Variants in C12orf50 observed in about 807,000 individuals in gnomAD.
The protein encoded by C12orf50 is zinc finger CCCH-type containing 11D.
A neutral mutation model predicts 61.6 loss-of-function variants in C12orf50; 35 were observed. The ratio of observed to expected loss-of-function variants is 0.57; its 90% CI spans 0.43 to 0.75. C12orf50 has a LOEUF of 0.75. Among genes scored for constraint, C12orf50 ranks in the 30% least tolerant of loss-of-function variants. C12orf50 has a pLI of 0.00. For missense variants in C12orf50, 475 were observed against 488.5 expected (o/e 0.97, Z 0.26); for synonymous variants, 178 against 161.5 (o/e 1.10, Z -0.77).
At chr12:87,994,129 G>A (rs2031267298) in intron 7 of C12orf50, among the ~76,000 whole-genome samples, 1 of 152,010 alleles carries the variant, frequency 6.6e-6, no homozygotes, top group African/African-American at 2.4e-5. Flanking sequence ...GAACTCGGGA[G>A]ATGGAGGTTG....
intron 7 of C12orf50, among the ~76,000 whole-genome samples, chr12:87,992,580 G>A (rs1389172749): frequency 1.3e-5 from 2 of 152,008 alleles, no homozygotes; most frequent in Non-Finnish European, 1.5e-5. Context: ...AATACAAAGA[G>A]CATTAAGTAA....
At chr12:88,014,545 C>T (rs1013186286) in intron 3 of C12orf50, among the ~76,000 whole-genome samples, 4 of 152,230 alleles carry the variant, frequency 2.6e-5, no homozygotes, top group African/African-American at 4.8e-5. Context: ...ATGATCCGCC[C>T]GCCTCGGCCT....
intron 1 of C12orf50, chr12:88,027,820 C>T (rs1219591651): frequency 1.3e-5 from 2 of 152,086 alleles, no homozygotes; most frequent in African/African-American, 4.8e-5. Context: ...TAACATTCTT[C>T]CCTCTTTTGA....
At chr12:88,014,303 T>G (rs2136472251) in intron 3 of C12orf50, among the ~76,000 whole-genome samples, 1 of 151,810 alleles carries the variant, frequency 6.6e-6, no homozygotes, top group South Asian at 2.1e-4. Flanking sequence ...TTTTATTTAT[T>G]ATTTATTTAT....
At chr12:87,994,987 A>C (rs2031316496) in intron 6 of C12orf50, among the ~76,000 whole-genome samples, 1 of 152,160 alleles carries the variant, frequency 6.6e-6, no homozygotes, top group Non-Finnish European at 1.5e-5. Flanking sequence ...AATTGTAAGC[A>C]ATCTAACACT....
chr12:88,022,468 A>C (rs2032551933), intron 3 of C12orf50, among the ~76,000 whole-genome samples: 2 of 152,040 alleles, frequency 1.3e-5, no homozygotes, highest in African/African-American at 4.8e-5. Context: ...CTCTGTCACC[A>C]CTCCTACTCA....
intron 7 of C12orf50, among the ~76,000 whole-genome samples, chr12:87,993,312 C>G (rs548836414): frequency 6.6e-6 from 1 of 152,134 alleles, no homozygotes; most frequent in Admixed American, 6.5e-5. Flanking sequence ...AAAAAGCTAT[C>G]TGATTTAATG....
At chr12:87,996,685 G>A (rs768579727) in intron 4 of C12orf50, 39 bp from the exon 5 acceptor site, 3 of 1,465,588 alleles carry the variant, frequency 2.0e-6, no homozygotes, top group East Asian at 2.3e-5. Context: ...TTGTCCCAAA[G>A]CCAATTAATC....
At position 88,027,204 on chromosome 12, in the gene C12orf50, A is replaced by C. The variant is rs187243923; in HGVS notation, c.-108-134T>G. ...CACAAAGATATACACTATCAATTTTAGGCCATAAGTCTAAATTTTAGCAAA... is the reference window on the plus strand; with the variant it reads ...CACAAAGATATACACTATCAATTTTCGGCCATAAGTCTAAATTTTAGCAAA... On this transcript the variant is annotated intron_variant, in intron 1 of 12. Coordinates refer to ENST00000298699, the MANE Select transcript of C12orf50 (RefSeq NM_152589.3). The C allele has an allele frequency of 2.0e-5, 19 of 943,218 alleles. No homozygotes were observed. In the East Asian group the frequency reaches 5.4e-4, roughly 27 times the overall value. 58.4% of individuals were successfully genotyped at this position (943,218 alleles called of 1,614,324 possible). A position where few individuals can be genotyped will look rare whatever the true frequency, so the allele number is the denominator to read the frequency against.
intron 1 of C12orf50, chr12:88,029,119 AT>A: frequency 7.8e-7 from 1 of 1,285,874 alleles, no homozygotes; most frequent in Middle Eastern, 2.1e-4. Context: ...AACTTCTGCC[AT>A]TTTCAACTCT....
chr12:87,986,084 T>TA, intron 10 of C12orf50, 31 bp from the exon 11 acceptor site: 1 of 1,597,680 alleles, frequency 6.3e-7, no homozygotes, highest in Non-Finnish European at 8.6e-7. Context: ...GAGTGAGGAA[T>TA]AAAACAGGCT....
chr12:87,985,013 A>T (rs1474684658), intron 11 of C12orf50: 4 of 152,176 alleles, frequency 2.6e-5, no homozygotes, highest in African/African-American at 9.6e-5. Flanking sequence ...AATTTAAATA[A>T]GCTAATGTAT....
chr12:87,992,375 G>A (rs1258241741), intron 7 of C12orf50, among the ~76,000 whole-genome samples: 1 of 152,066 alleles, frequency 6.6e-6, no homozygotes, highest in Non-Finnish European at 1.5e-5. Context: ...AATCAATTGT[G>A]TGTGTGTTTG....
intron 7 of C12orf50, among the ~76,000 whole-genome samples, chr12:87,993,693 T>C (rs1296041952): frequency 6.6e-6 from 1 of 152,164 alleles, no homozygotes. Flanking sequence ...ACCTCCTTCC[T>C]ACTCTTCACA....
intron 7 of C12orf50, among the ~76,000 whole-genome samples, chr12:87,993,936 G>A (rs374399782): frequency 4.6e-5 from 7 of 152,062 alleles, no homozygotes; most frequent in Admixed American, 1.3e-4. Flanking sequence ...TCGGTGGCTC[G>A]TGCCTGTAAT....
chr12:88,005,794 T>C (rs925488468), intron 3 of C12orf50, among the ~76,000 whole-genome samples: 2 of 151,382 alleles, frequency 1.3e-5, no homozygotes, highest in African/African-American at 4.9e-5. Context: ...AGTAGTTACC[T>C]GCAAGGTGTT....
intron 4 of C12orf50, 70 bp from the exon 5 acceptor site, chr12:87,996,716 A>G: frequency 8.6e-7 from 1 of 1,159,122 alleles, no homozygotes; most frequent in Non-Finnish European, 1.3e-6. Flanking sequence ...TAAACCAGAA[A>G]GGAAAACCCC....
At chr12:88,029,138 C>T (rs1276126672) in intron 1 of C12orf50, 2 of 1,259,836 alleles carry the variant, frequency 1.6e-6, no homozygotes, top group African/African-American at 1.6e-5. Context: ...TCTCTTGCTG[C>T]TAATCCAATG....
intron 8 of C12orf50, among the ~76,000 whole-genome samples, chr12:87,989,006 T>A (rs1325585844): frequency 7.2e-5 from 11 of 152,062 alleles, no homozygotes; most frequent in Non-Finnish European, 1.6e-4. Context: ...GGTATTGCCA[T>A]TTAAGAGAAC....
Sources: gnomAD v4.1 joint callset for allele counts (sites outside exome capture counted in the v4.1 genomes callset) on GRCh38, gnomAD v4.1.1 for gene constraint, MANE v1.5 for transcripts, NCBI Gene and HGNC (gene_info 2026-07-23, HGNC 2026-07-21) for gene names.